The following LRRC4C variants were observed in gnomAD, a reference collection of about 807,000 sequenced individuals.
LRRC4C encodes the protein leucine rich repeat containing 4C.
In LRRC4C, 5 loss-of-function variants were observed where a neutral mutation model predicts 33.6. The ratio of observed to expected loss-of-function variants is 0.15; its 90% CI spans 0.08 to 0.31. The LOEUF (loss-of-function observed/expected upper bound fraction) is 0.31. Among genes scored for constraint, LRRC4C ranks in the 10% least tolerant of loss-of-function variants. LRRC4C has a pLI of 1.00. For missense variants in LRRC4C, 560 were observed against 796.7 expected, an observed-to-expected ratio of 0.70 and a Z score of 3.58; for synonymous variants, 329 against 302.0, an observed-to-expected ratio of 1.09 and a Z score of -0.93.
At chr11:40,474,064 C>G (rs577994624) in intron 3 of LRRC4C, among the ~76,000 whole-genome samples, 3 of 150,218 alleles carry the variant, frequency 2.0e-5, no homozygotes, top group Non-Finnish European at 1.5e-5. Flanking sequence ...TTCCATCAAG[C>G]TACCATTGAC....
chr11:40,468,861 T>C (rs1431842231), intron 3 of LRRC4C, among the ~76,000 whole-genome samples: 3 of 152,232 alleles, frequency 2.0e-5, no homozygotes, highest in Admixed American at 6.5e-5. Context: ...CCATATTTTA[T>C]TAGGCTGTAT....
At chr11:41,226,970 T>G (rs12285112) in intron 1 of LRRC4C, among the ~76,000 whole-genome samples, 6,745 of 151,992 alleles carry the variant, frequency 0.044, 240 homozygotes, top group African/African-American at 0.093. Flanking sequence ...CTTCCTTCCT[T>G]TCAACCCACA....
intron 2 of LRRC4C, among the ~76,000 whole-genome samples, chr11:40,732,603 A>G (rs962813437): frequency 6.6e-6 from 1 of 152,226 alleles, no homozygotes; most frequent in African/African-American, 2.4e-5. Flanking sequence ...AAATAGTGTG[A>G]TATCTATTCT....
chr11:40,653,665 C>T lies in LRRC4C; in HGVS notation c.-406-5387G>A, dbSNP rs2088145. Among the ~76,000 whole-genome samples the T allele has an allele frequency of 4.2e-3, 646 of 152,230 alleles. 6 individuals carry two copies. Among genetic ancestry groups the T allele is most frequent in the African/African-American group, 0.015 (623 of 41,524 alleles). On this transcript the variant is annotated intron_variant, in intron 2 of 6. Transcript: ENST00000528697. ...CATAAAAGTTTGGAAAATTTGCAGC[C>T]TGATGATGCGATAGAAAAGAAAACC...
At chr11:40,503,066 C>A (rs1217573479) in intron 3 of LRRC4C, among the ~76,000 whole-genome samples, 1 of 152,084 alleles carries the variant, frequency 6.6e-6, no homozygotes, top group Admixed American at 6.5e-5. Flanking sequence ...CTCATGCTTT[C>A]CCCAAGACAC....
At chr11:40,739,819 T>C (rs1250424556) in intron 2 of LRRC4C, among the ~76,000 whole-genome samples, 1 of 152,048 alleles carries the variant, frequency 6.6e-6, no homozygotes, top group Non-Finnish European at 1.5e-5. Flanking sequence ...TGTGGAACTG[T>C]CAGTCAATTA....
At chr11:40,340,055 C>A (rs1430184453) in intron 3 of LRRC4C, among the ~76,000 whole-genome samples, 4 of 151,838 alleles carry the variant, frequency 2.6e-5, no homozygotes, top group African/African-American at 9.7e-5. Flanking sequence ...ATTGAGAAAC[C>A]ATTTCATTAA....
At chr11:41,182,875 C>T (rs1334724728) in intron 1 of LRRC4C, among the ~76,000 whole-genome samples, 3 of 148,522 alleles carry the variant, frequency 2.0e-5, no homozygotes, top group Admixed American at 1.4e-4. Context: ...GTTTAATGTA[C>T]TTAGAGTTCC....
chr11:41,383,070 C>T (rs1474948154), intron 1 of LRRC4C, among the ~76,000 whole-genome samples: 3 of 152,004 alleles, frequency 2.0e-5, no homozygotes, highest in Admixed American at 6.6e-5. Flanking sequence ...TATCAAAAGG[C>T]GAACTACAGG....
intron 1 of LRRC4C, among the ~76,000 whole-genome samples, chr11:40,982,013 A>G (rs147895487): frequency 2.6e-5 from 4 of 152,298 alleles, no homozygotes; most frequent in African/African-American, 9.6e-5. Flanking sequence ...GAAATAATAT[A>G]TCTACACTTC....
intron 1 of LRRC4C, among the ~76,000 whole-genome samples, chr11:41,141,802 A>G (rs1051931732): frequency 5.9e-5 from 9 of 152,150 alleles, no homozygotes; most frequent in South Asian, 2.1e-4. Flanking sequence ...AAATTAACCA[A>G]TCTCGGGTTA....
intron 3 of LRRC4C, among the ~76,000 whole-genome samples, chr11:40,618,476 G>T (rs1962095764): frequency 6.6e-6 from 1 of 151,628 alleles, no homozygotes; most frequent in Admixed American, 6.6e-5. Flanking sequence ...TGTTTCTGTT[G>T]TTTTAAGTCA....
chr11:40,821,502 CAATT>C (rs1310823027), intron 2 of LRRC4C, among the ~76,000 whole-genome samples: 1 of 151,352 alleles, frequency 6.6e-6, no homozygotes, highest in Non-Finnish European at 1.5e-5. Flanking sequence ...CAGGTGTAGT[CAATT>C]AATTTTTTCT....
chr11:40,154,184 A>C (rs1451492035), intron 5 of LRRC4C, among the ~76,000 whole-genome samples: 1 of 152,156 alleles, frequency 6.6e-6, no homozygotes, highest in Non-Finnish European at 1.5e-5. Context: ...AGCAAAACTA[A>C]GCATCACATA....
At chr11:40,363,315 C>G (rs1160301292) in intron 3 of LRRC4C, among the ~76,000 whole-genome samples, 2 of 152,110 alleles carry the variant, frequency 1.3e-5, no homozygotes, top group Non-Finnish European at 2.9e-5. Context: ...AACAAAAATC[C>G]AAATACTGCA....
Position 40,469,344 on chromosome 11 carries a change from C to T in LRRC4C, c.-269-149623G>A, listed in dbSNP as rs148602191. Among the ~76,000 whole-genome samples the T allele has an allele frequency of 4.7e-3, 720 of 152,272 alleles. 22 individuals are homozygous for T. The highest frequency in any genetic ancestry group is 0.034 in the Admixed American group (515 of 15,292). ...ACCATGCCGTGAGGAATGGTGATAT[C>T]CGGCCCATATACTATGCTTTTCCCG... is the stretch of plus-strand genomic sequence containing the variant. On this transcript the variant is annotated intron_variant, in intron 3 of 6. Transcript: ENST00000528697.
intron 1 of LRRC4C, among the ~76,000 whole-genome samples, chr11:40,980,778 T>C (rs755970172): frequency 1.3e-5 from 2 of 152,180 alleles, no homozygotes; most frequent in Non-Finnish European, 2.9e-5. Context: ...CAAGGGCTTA[T>C]TCTTAATTCA....
At chr11:41,349,489 A>C (rs1369539729) in intron 1 of LRRC4C, among the ~76,000 whole-genome samples, 1 of 152,150 alleles carries the variant, frequency 6.6e-6, no homozygotes, top group Non-Finnish European at 1.5e-5. Flanking sequence ...AAAAAACAAC[A>C]ACAAAAAACA....
intron 4 of LRRC4C, among the ~76,000 whole-genome samples, chr11:40,295,273 C>T (rs978820769): frequency 6.6e-6 from 1 of 151,804 alleles, no homozygotes; most frequent in Non-Finnish European, 1.5e-5. Context: ...ATGTATGTAA[C>T]CTTGAGATAG....
Sources: gnomAD v4.1 joint callset for allele counts (sites outside exome capture counted in the v4.1 genomes callset) on GRCh38, gnomAD v4.1.1 for gene constraint, MANE v1.5 for transcripts, NCBI Gene and HGNC (gene_info 2026-07-23, HGNC 2026-07-21) for gene names.